SMYD3: variants seen among roughly 807,000 people sequenced by gnomAD.
The protein encoded by SMYD3 is histone-lysine N-methyltransferase SMYD3.
In SMYD3, 36 loss-of-function variants were observed where a neutral mutation model predicts 57.7. The observed-to-expected ratio is 0.62, with a 90% confidence interval of 0.48 to 0.82. The LOEUF (loss-of-function observed/expected upper bound fraction) is 0.82. Among genes scored for constraint, SMYD3 ranks in the 40% least tolerant of loss-of-function variants. The probability of loss-of-function intolerance (pLI) is 0.00; values close to 1 mark genes in which losing one functional copy is unlikely to be tolerated. For missense variants in SMYD3, 515 were observed against 538.8 expected (o/e 0.96, Z 0.44); for synonymous variants, 211 against 195.0 (o/e 1.08, Z -0.68).
At chr1:246,208,762 T>C (rs1169651600) in intron 5 of SMYD3, among the ~76,000 whole-genome samples, 1 of 152,164 alleles carries the variant, frequency 6.6e-6, no homozygotes, top group African/African-American at 2.4e-5. Context: ...CATCCAAGAA[T>C]GCATTAGCCA....
At chr1:246,493,020 G>T (rs1363628005) in intron 1 of SMYD3, among the ~76,000 whole-genome samples, 1 of 152,168 alleles carries the variant, frequency 6.6e-6, no homozygotes, top group Non-Finnish European at 1.5e-5. Context: ...TTCTAAAGTT[G>T]ATTATGGTGA....
intron 5 of SMYD3, among the ~76,000 whole-genome samples, chr1:246,090,522 C>CTCT (rs1553285918): frequency 1.4e-5 from 2 of 142,760 alleles, no homozygotes; most frequent in African/African-American, 5.1e-5. Flanking sequence ...TTCTCTCTCT[C>CTCT]TTTTTTTTTT....
Position 245,830,085 on chromosome 1 carries a change from C to A in SMYD3, c.1076+28411G>T, listed in dbSNP as rs180911477. 1.8e-3 allele frequency among the ~76,000 whole-genome samples: 268 copies of A among 152,216 alleles called. 1 individual carries two copies. Among genetic ancestry groups the A allele is most frequent in the African/African-American group, 5.9e-3 (244 of 41,530 alleles). ...ATATGCTAAAAGCCACTGAGTAGTA[C>A]ACTTTAAATGAGTAATTATATGTTA... On this transcript the variant is annotated intron_variant, in intron 10 of 11. Transcript: ENST00000490107.
At chr1:246,185,597 A>G (rs1319217823) in intron 5 of SMYD3, among the ~76,000 whole-genome samples, 11 of 145,384 alleles carry the variant, frequency 7.6e-5, no homozygotes, top group South Asian at 2.2e-4. Context: ...GAGTAGCTGA[A>G]ACTACAGGCG....
At chr1:245,919,923 A>G (rs2055739134) in intron 7 of SMYD3, among the ~76,000 whole-genome samples, 1 of 152,240 alleles carries the variant, frequency 6.6e-6, no homozygotes, top group East Asian at 1.9e-4. Context: ...GAGATTTTCT[A>G]GATCTTGAAT....
intron 5 of SMYD3, among the ~76,000 whole-genome samples, chr1:246,237,583 T>C (rs72774485): frequency 0.21 from 31,455 of 151,942 alleles, 3,973 homozygotes; most frequent in East Asian, 0.58. Context: ...TTCTGGGCTT[T>C]AAACAAACTC....
At chr1:246,255,330 T>TAA (rs1460118765) in intron 5 of SMYD3, among the ~76,000 whole-genome samples, 35 of 150,076 alleles carry the variant, frequency 2.3e-4, no homozygotes, top group African/African-American at 8.3e-4. Context: ...ATAATAATAA[T>TAA]TATTATTATT....
chr1:246,342,737 A>T lies in SMYD3; in HGVS notation c.229-7263T>A, dbSNP rs79639574. The stretch of plus-strand genomic sequence containing the variant: ...ATATAAAGAAGGAATGTGCCATGAA[A>T]ATGGTCTTAGGGCATAAGGTTGACA... On this transcript the variant is annotated intron_variant, in intron 2 of 11. Transcript: ENST00000490107. 9.9e-3 allele frequency among the ~76,000 whole-genome samples: 1,505 copies of T among 152,300 alleles called. 33 individuals are homozygous for T. Among genetic ancestry groups the T allele is most frequent in the African/African-American group, 0.034 (1,399 of 41,558 alleles).
At chr1:245,755,612 C>A (rs1300753866) in intron 11 of SMYD3, among the ~76,000 whole-genome samples, 1 of 152,120 alleles carries the variant, frequency 6.6e-6, no homozygotes, top group Non-Finnish European at 1.5e-5. Context: ...TTTTGGTAGA[C>A]TGACCTTTTT....
chr1:246,025,489 G>A (rs144062594), intron 5 of SMYD3, among the ~76,000 whole-genome samples: 116 of 152,226 alleles, frequency 7.6e-4, no homozygotes, highest in African/African-American at 2.6e-3. Flanking sequence ...GTACTGTGAC[G>A]GTCATTTTCT....
At chr1:245,768,661 G>C (rs1039642283) in intron 10 of SMYD3, among the ~76,000 whole-genome samples, 1 of 152,208 alleles carries the variant, frequency 6.6e-6, no homozygotes, top group Non-Finnish European at 1.5e-5. Flanking sequence ...AGGTGATTAG[G>C]TCATCAAGGC....
intron 5 of SMYD3, among the ~76,000 whole-genome samples, chr1:246,324,204 C>T (rs903758500): frequency 2.0e-5 from 3 of 152,064 alleles, no homozygotes; most frequent in African/African-American, 7.2e-5. Context: ...CATCCGAGGT[C>T]AGGAGATTGA....
Position 246,135,934 on chromosome 1 carries a change from G to A in SMYD3, c.531+191267C>T, listed in dbSNP as rs370172330. Among the ~76,000 whole-genome samples the A allele has an allele frequency of 1.2e-4, 19 of 152,090 alleles. 1 individual carries two copies. The East Asian group carries it at 1.5e-3, about 12-fold the overall frequency. ...TTGTATAATGTATATCAAGTGTAAG[G>A]CTTTCCAAAATCATCCTTTATTCAC... On this transcript the variant is annotated intron_variant, in intron 5 of 11. Transcript: ENST00000490107.
intron 5 of SMYD3, among the ~76,000 whole-genome samples, chr1:246,056,349 G>C (rs948502747): frequency 3.9e-5 from 6 of 152,120 alleles, no homozygotes; most frequent in Admixed American, 3.3e-4. Context: ...AGTGCGGGCA[G>C]GGGGACATTC....
At chr1:246,088,335 T>C (rs1032676332) in intron 5 of SMYD3, among the ~76,000 whole-genome samples, 7 of 152,052 alleles carry the variant, frequency 4.6e-5, no homozygotes, top group African/African-American at 1.7e-4. Flanking sequence ...GCTTAAAAGT[T>C]AAGAGTAATC....
intron 5 of SMYD3, among the ~76,000 whole-genome samples, chr1:246,308,844 A>G (rs952259968): frequency 3.9e-5 from 6 of 152,234 alleles, no homozygotes; most frequent in African/African-American, 1.4e-4. Context: ...AACAACATCA[A>G]AATGGGCACC....
At chr1:246,029,959 T>A (rs1360594035) in intron 5 of SMYD3, among the ~76,000 whole-genome samples, 1 of 150,404 alleles carries the variant, frequency 6.6e-6, no homozygotes, top group East Asian at 1.9e-4. Context: ...AAAAGAGAAC[T>A]ACCATAGGAT....
At chr1:246,029,165 T>C (rs1308415927) in intron 5 of SMYD3, among the ~76,000 whole-genome samples, 4 of 152,242 alleles carry the variant, frequency 2.6e-5, no homozygotes, top group Admixed American at 6.5e-5. Flanking sequence ...AAATATTTTA[T>C]GGCTAAGACC....
At chr1:246,100,778 G>A (rs2060995275) in intron 5 of SMYD3, among the ~76,000 whole-genome samples, 1 of 152,096 alleles carries the variant, frequency 6.6e-6, no homozygotes, top group African/African-American at 2.4e-5. Flanking sequence ...CAAACCCAAA[G>A]CCTCCTTTGC....
Sources: allele counts gnomAD v4.1 joint callset (sites outside exome capture counted in the v4.1 genomes callset), GRCh38; gene constraint gnomAD v4.1.1; transcripts MANE v1.5; gene names NCBI Gene and HGNC (gene_info 2026-07-23, HGNC 2026-07-21).